The following CCDC192 variants were observed in gnomAD, a reference collection of about 807,000 sequenced individuals.
The protein encoded by CCDC192 is coiled-coil domain-containing protein 192.
intron 5 of CCDC192, among the ~76,000 whole-genome samples, chr5:127,822,853 TC>T (rs1478862772): frequency 1.3e-5 from 2 of 152,168 alleles, no homozygotes; most frequent in African/African-American, 4.8e-5. Flanking sequence ...TCTGCCCAAG[TC>T]CTCAGGCCCC....
chr5:127,913,623 T>C (rs1753436919), intron 6 of CCDC192, among the ~76,000 whole-genome samples: 1 of 152,234 alleles, frequency 6.6e-6, no homozygotes, highest in Admixed American at 6.5e-5. Context: ...AAAAGACATT[T>C]AGAATCCCTG....
chr5:127,849,554 G>T (rs1750710237), intron 5 of CCDC192, among the ~76,000 whole-genome samples: 1 of 152,110 alleles, frequency 6.6e-6, no homozygotes, highest in African/African-American at 2.4e-5. Context: ...TTCCTCCACT[G>T]CCTACAAGTA....
At position 127,712,692 on chromosome 5, in the gene CCDC192, C is replaced by T. The variant is rs368994524; in HGVS notation, c.114+4932C>T. 5.0e-4 allele frequency among the ~76,000 whole-genome samples: 76 copies of T among 152,302 alleles called. No individual in the cohort carries two copies. In the South Asian group the frequency reaches 7.0e-3, roughly 14 times the overall value. The stretch of plus-strand genomic sequence containing the variant: ...CATTTAGATTATTTCCAGTTTTAGG[C>T]TCTTAAAAATAAGGCTTCTATGAAT... On this transcript the variant is annotated intron_variant, in intron 2 of 6. Transcript: ENST00000514853.
intron 5 of CCDC192, among the ~76,000 whole-genome samples, chr5:127,823,794 G>C (rs530567555): frequency 1.3e-5 from 2 of 152,296 alleles, no homozygotes; most frequent in East Asian, 3.9e-4. Context: ...CTACAATCGT[G>C]TTTCAGAAGT....
chr5:127,716,998 G>T (rs1025435641), intron 2 of CCDC192, among the ~76,000 whole-genome samples: 2 of 152,070 alleles, frequency 1.3e-5, no homozygotes, highest in African/African-American at 4.8e-5. Flanking sequence ...ATAACCTAAT[G>T]AATGAGGTTG....
chr5:127,818,110 C>T (rs921276200), intron 5 of CCDC192, among the ~76,000 whole-genome samples: 17 of 152,062 alleles, frequency 1.1e-4, no homozygotes, highest in African/African-American at 4.1e-4. Context: ...AATCAATGGG[C>T]GTAGTGATTT....
chr5:127,909,841 A>G (rs1443625664), intron 6 of CCDC192, among the ~76,000 whole-genome samples: 1 of 152,204 alleles, frequency 6.6e-6, no homozygotes, highest in Non-Finnish European at 1.5e-5. Flanking sequence ...TGGTTTATAT[A>G]TATATTTTAA....
intron 6 of CCDC192, among the ~76,000 whole-genome samples, chr5:127,891,498 T>TC (rs60102324): frequency 0.28 from 41,882 of 151,986 alleles, 5,995 homozygotes; most frequent in African/African-American, 0.34. Context: ...GGAAGAAGGG[T>TC]CCCTCCTCCC....
chr5:127,750,244 G>C (rs1415548064), intron 2 of CCDC192, among the ~76,000 whole-genome samples: 2 of 151,872 alleles, frequency 1.3e-5, no homozygotes, highest in Non-Finnish European at 1.5e-5. Flanking sequence ...TTCTCTTGTG[G>C]GCATTTAGTG....
intron 6 of CCDC192, among the ~76,000 whole-genome samples, chr5:127,904,303 C>A (rs1012988255): frequency 1.3e-4 from 20 of 152,266 alleles, no homozygotes; most frequent in African/African-American, 3.9e-4. Flanking sequence ...GACTTCCAAC[C>A]TCCAGAGCTG....
At chr5:127,702,716 A>T (rs1750756181), upstream of CCDC192, among the ~76,000 whole-genome samples, 1 of 152,232 alleles carries the variant, frequency 6.6e-6, no homozygotes, top group Non-Finnish European at 1.5e-5. Flanking sequence ...TGTGGACTGC[A>T]GGGATCCTAC....
At chr5:127,913,895 A>G (rs1753444350) in intron 6 of CCDC192, among the ~76,000 whole-genome samples, 1 of 152,244 alleles carries the variant, frequency 6.6e-6, no homozygotes, top group Non-Finnish European at 1.5e-5. Flanking sequence ...GATGGAAAAA[A>G]CAATAAAGAA....
At chr5:127,871,064 G>T (rs1472269964) in intron 5 of CCDC192, among the ~76,000 whole-genome samples, 3 of 152,206 alleles carry the variant, frequency 2.0e-5, no homozygotes, top group Admixed American at 6.5e-5. Flanking sequence ...AGGAAGCTCT[G>T]CCCTGGCAGG....
At chr5:127,815,077 G>A (rs754613491) in intron 5 of CCDC192, among the ~76,000 whole-genome samples, 1 of 152,086 alleles carries the variant, frequency 6.6e-6, no homozygotes, top group Non-Finnish European at 1.5e-5. Context: ...ATGACCATGT[G>A]TAGCCTTAAA....
intron 2 of CCDC192, among the ~76,000 whole-genome samples, chr5:127,725,272 A>C (rs554166167): frequency 6.6e-6 from 1 of 152,132 alleles, no homozygotes; most frequent in Non-Finnish European, 1.5e-5. Flanking sequence ...ATTTGAGGAA[A>C]TTTGTTAAAG....
chr5:127,929,086 G>A (rs555722112), intron 6 of CCDC192, among the ~76,000 whole-genome samples: 1 of 152,224 alleles, frequency 6.6e-6, no homozygotes, highest in South Asian at 2.1e-4. Context: ...ATTCTTAAAC[G>A]ATAGAGGGGC....
At chr5:127,710,330 C>T (rs984990470) in intron 2 of CCDC192, among the ~76,000 whole-genome samples, 1 of 152,014 alleles carries the variant, frequency 6.6e-6, no homozygotes, top group Non-Finnish European at 1.5e-5. Context: ...GCAGGTGGAT[C>T]TCAGTTGCCT....
rs200593143 is a variant in CCDC192, at chr5:127,862,549, C to CT, written c.412-12988dup. ...ATGCCCAAACTTCCCCAAACTCTGA[C>CT]TGAGTAGGATTAGAGAGAATCTAGA... On this transcript the variant is annotated intron_variant, in intron 5 of 6. Transcript: ENST00000514853. 7.6e-3 allele frequency among the ~76,000 whole-genome samples: 1,151 copies of CT among 152,306 alleles called. 15 individuals are homozygous for CT. Among genetic ancestry groups the CT allele is most frequent in the Middle Eastern group, 0.01 (3 of 294 alleles).
At chr5:127,813,394 T>C (rs2127004461) in intron 5 of CCDC192, among the ~76,000 whole-genome samples, 1 of 152,314 alleles carries the variant, frequency 6.6e-6, no homozygotes, top group East Asian at 1.9e-4. Context: ...ATCAATACCC[T>C]CTTTTGCAAA....
Sources: gnomAD v4.1 joint callset for allele counts (sites outside exome capture counted in the v4.1 genomes callset) on GRCh38, gnomAD v4.1.1 for gene constraint, MANE v1.5 for transcripts, NCBI Gene and HGNC (gene_info 2026-07-23, HGNC 2026-07-21) for gene names.